The following CACNA1B variants were observed in gnomAD, a reference collection of about 807,000 sequenced individuals.
CACNA1B encodes voltage-dependent N-type calcium channel subunit alpha-1B.
In CACNA1B, 70 loss-of-function variants were observed where a neutral mutation model predicts 247.2. The ratio of observed to expected loss-of-function variants is 0.28; its 90% CI spans 0.23 to 0.35. CACNA1B has a LOEUF of 0.35. Among genes scored for constraint, CACNA1B ranks in the 10% least tolerant of loss-of-function variants. The probability of loss-of-function intolerance (pLI) is 1.00; values close to 1 mark genes in which losing one functional copy is unlikely to be tolerated. For synonymous variants in CACNA1B, 1,231 were observed against 1,294.4 expected, an observed-to-expected ratio of 0.95 and a Z score of 1.05; for missense variants, 2,367 against 3,197.4, an observed-to-expected ratio of 0.74 and a Z score of 6.26.
intron 31 of CACNA1B, among the ~76,000 whole-genome samples, chr9:138,068,819 A>G (rs1046559339): frequency 1.3e-5 from 2 of 152,164 alleles, no homozygotes; most frequent in African/African-American, 4.8e-5. Context: ...GCCGGGCTCT[A>G]GGGAAACCTC....
In CACNA1B at chr9:138,038,340, A is replaced by G. The variant is rs533152237; in HGVS notation, c.3287-5434A>G. On this transcript the variant is annotated intron_variant, in intron 20 of 46. Coordinates refer to ENST00000371372, the MANE Select transcript of CACNA1B (RefSeq NM_000718.4). ...ACAGCATGTTCCAGGATCGTTGTGC[A>G]CACTTCCTGTCCCCGATCTGGAATT... 2.0e-5 allele frequency among the ~76,000 whole-genome samples: 3 copies of G among 152,258 alleles called. No individual in the cohort carries two copies. In the South Asian group the frequency reaches 6.2e-4, roughly 32 times the overall value.
intron 3 of CACNA1B, among the ~76,000 whole-genome samples, chr9:137,900,691 CGT>C (rs1036117972): frequency 7.4e-6 from 1 of 135,272 alleles, no homozygotes; most frequent in Admixed American, 7.6e-5. Context: ...TCTCTGTGTT[CGT>C]GTCTGTGCTG....
At chr9:138,106,836 G>A (rs1008167760) in intron 39 of CACNA1B, among the ~76,000 whole-genome samples, 2 of 152,282 alleles carry the variant, frequency 1.3e-5, no homozygotes, top group African/African-American at 4.8e-5. Flanking sequence ...CTGCTCTTGA[G>A]AGGTTGTCTC....
At chr9:137,961,131 G>A (rs1958016979) in intron 10 of CACNA1B, among the ~76,000 whole-genome samples, 1 of 151,922 alleles carries the variant, frequency 6.6e-6, no homozygotes, top group South Asian at 2.1e-4. Context: ...TTTATTCCTA[G>A]GTATTTTATT....
At chr9:138,106,251 T>C (rs1488851808) in intron 39 of CACNA1B, among the ~76,000 whole-genome samples, 4 of 152,066 alleles carry the variant, frequency 2.6e-5, no homozygotes, top group African/African-American at 9.7e-5. Flanking sequence ...AAGGAGCCTG[T>C]AGTGTGTTCT....
chr9:138,002,123 T>A (rs1422061522), intron 15 of CACNA1B, among the ~76,000 whole-genome samples: 1 of 152,196 alleles, frequency 6.6e-6, no homozygotes, highest in African/African-American at 2.4e-5. Context: ...ATCATGACTT[T>A]TTATAAAGCT....
Position 138,102,513 on chromosome 9 carries a change from G to T in CACNA1B, c.5223-198G>T, listed in dbSNP as rs1323057017. Among the ~76,000 whole-genome samples, 1 of 152,064 alleles carries T rather than the reference G, an allele frequency of 6.6e-6. No individual in the cohort carries two copies. Among genetic ancestry groups the T allele is most frequent in the Non-Finnish European group, 1.5e-5 (1 of 68,018 alleles). On this transcript the variant is annotated intron_variant, in intron 37 of 46. Coordinates refer to ENST00000371372, the MANE Select transcript of CACNA1B (RefSeq NM_000718.4). This position sits in a 1 kb window ranked among gnomAD's most constrained non-coding sequence, Gnocchi z 5.4. The stretch of plus-strand genomic sequence containing the variant: ...CTCGGGGGTGGGGGGCCAGGAGGGG[G>T]TCAAGCCAAGCAGAGAAATCCCTCA...
chr9:138,074,657 T>C (rs1481527891), intron 34 of CACNA1B, among the ~76,000 whole-genome samples: 1 of 152,248 alleles, frequency 6.6e-6, no homozygotes, highest in African/African-American at 2.4e-5. Flanking sequence ...CCTCGGCCCA[T>C]TGCCACCTCA....
At chr9:137,908,717 G>A (rs1473802232) in intron 3 of CACNA1B, among the ~76,000 whole-genome samples, 9 of 151,574 alleles carry the variant, frequency 5.9e-5, no homozygotes, top group Admixed American at 2.0e-4. Context: ...TGCAAGCTCC[G>A]CCTCCTGGGT....
intron 45 of CACNA1B, 34 bp downstream of exon 45, chr9:138,120,406 G>C: frequency 6.6e-7 from 1 of 1,519,520 alleles, no homozygotes; most frequent in African/African-American, 1.4e-5. Flanking sequence ...GTCCTTCGGG[G>C]AGCTATGGCC....
In CACNA1B at chr9:138,121,522, C is replaced by T. The variant is rs202107432; in HGVS notation, c.6543C>T (p.Thr2181=). 3.2e-6 allele frequency: 5 copies of T among 1,574,630 alleles called. No homozygotes were observed. The highest frequency in any genetic ancestry group is 4.3e-6 in the Non-Finnish European group (5 of 1,158,090). Residue 2181 remains threonine (T), a synonymous_variant, in exon 47 of 47, where the codon ACC becomes ACT. Coordinates refer to ENST00000371372, the MANE Select transcript of CACNA1B (RefSeq NM_000718.4). The surrounding 1 kb of genome is among the most constrained non-coding windows in gnomAD (Gnocchi z 6.8). ...SPLLSTSGAS[T]PGRGGRRQLP... ...TGCTGTCAACATCTGGTGCTAGCAC[C>T]CCCGGCCGCGGTGGGCGGAGGCAGC...
At chr9:137,962,273 C>CT (rs917185463) in intron 10 of CACNA1B, among the ~76,000 whole-genome samples, 11 of 135,754 alleles carry the variant, frequency 8.1e-5, no homozygotes, top group Middle Eastern at 4.1e-3. Context: ...TCTCTCTTCT[C>CT]TTTTTTTTTA....
intron 18 of CACNA1B, among the ~76,000 whole-genome samples, chr9:138,019,843 A>T (rs1054677251): frequency 6.6e-6 from 1 of 152,096 alleles, no homozygotes; most frequent in Non-Finnish European, 1.5e-5. Context: ...TCACACCTGT[A>T]ATCTAGCACT....
chr9:138,046,664 T>G (rs1959188254), intron 21 of CACNA1B, among the ~76,000 whole-genome samples: 1 of 152,244 alleles, frequency 6.6e-6, no homozygotes, highest in South Asian at 2.1e-4. Context: ...ACCCCTGCCA[T>G]GAGGTTCTGC....
chr9:138,054,999 G>A lies in CACNA1B; in HGVS notation c.3968+993G>A, dbSNP rs950921047. 3.2e-4 allele frequency among the ~76,000 whole-genome samples: 48 copies of A among 152,218 alleles called. No homozygotes were observed. Among genetic ancestry groups the A allele is most frequent in the Non-Finnish European group, 6.3e-4 (43 of 68,012 alleles). Reference sequence around the variant, plus strand: ...CTGCCTCTTTCCTGTCGGTTACTAGGAATCATGTAATGTTCTGGACAGGAA... The same window carrying A: ...CTGCCTCTTTCCTGTCGGTTACTAGAAATCATGTAATGTTCTGGACAGGAA... On this transcript the variant is annotated intron_variant, in intron 26 of 46. Coordinates refer to ENST00000371372, the MANE Select transcript of CACNA1B (RefSeq NM_000718.4). The surrounding 1 kb of genome is among the most constrained non-coding windows in gnomAD (Gnocchi z 4.6).
intron 37 of CACNA1B, 83 bp downstream of exon 37, chr9:138,096,694 G>A: frequency 7.1e-7 from 1 of 1,408,442 alleles, no homozygotes; most frequent in Non-Finnish European, 9.7e-7. Flanking sequence ...CTTCAGACAT[G>A]TTTCAAGTGA....
intron 12 of CACNA1B, among the ~76,000 whole-genome samples, chr9:137,983,130 T>G (rs1455291043): frequency 6.6e-6 from 1 of 152,208 alleles, no homozygotes; most frequent in Non-Finnish European, 1.5e-5. Flanking sequence ...TGATGCGAAA[T>G]TGGTGGAAAT....
intron 37 of CACNA1B, among the ~76,000 whole-genome samples, chr9:138,099,375 T>C (rs1405375741): frequency 3.3e-5 from 5 of 152,180 alleles, no homozygotes; most frequent in Non-Finnish European, 5.9e-5. Context: ...GTGAACTGAA[T>C]GTGCGTGCAT....
At position 138,057,297 on chromosome 9, in the gene CACNA1B, G is replaced by A. The variant is rs1411137803; in HGVS notation, c.3969-435G>A. Among the ~76,000 whole-genome samples, 1 of 152,090 alleles carries A rather than the reference G, an allele frequency of 6.6e-6. No individual in the cohort carries two copies. The highest frequency in any genetic ancestry group is 1.9e-4 in the East Asian group (1 of 5,196). ...AAATACAACTCCCTTATCAGACAGA[G>A]GATTAGGAAATAAGTATTTTTCCCA... On this transcript the variant is annotated intron_variant, in intron 26 of 46. Transcript: ENST00000371372. This position sits in a 1 kb window ranked among gnomAD's most constrained non-coding sequence, Gnocchi z 4.0.
Sources: allele counts gnomAD v4.1 joint callset (sites outside exome capture counted in the v4.1 genomes callset), GRCh38; gene constraint gnomAD v4.1.1; non-coding constraint Gnocchi (gnomAD v3.1); transcripts MANE v1.5; gene names NCBI Gene and HGNC (gene_info 2026-07-23, HGNC 2026-07-21).